ETV6: variants seen among roughly 807,000 people sequenced by gnomAD.
ETV6 encodes ETS variant transcription factor 6.
A neutral mutation model predicts 51.1 loss-of-function variants in ETV6; 16 were observed. That is an observed-to-expected ratio of 0.31 (90% CI 0.21 to 0.48). The LOEUF is 0.48. ETV6 is among the 20% of genes least tolerant of loss of function. The pLI is 0.99. For synonymous variants in ETV6, 240 were observed against 224.1 expected, an observed-to-expected ratio of 1.07 and a Z score of -0.64; for missense variants, 458 against 594.8, an observed-to-expected ratio of 0.77 and a Z score of 2.39.
chr12:11,833,135 G>A (rs997948184), intron 2 of ETV6, among the ~76,000 whole-genome samples: 2 of 152,172 alleles, frequency 1.3e-5, no homozygotes, highest in African/African-American at 4.8e-5. Flanking sequence ...CAGGTAGGGT[G>A]AGATTATAAA....
Position 11,895,139 on chromosome 12 carries a change from TTGA to T in ETV6, c.*4098_*4100del, listed in dbSNP as rs1307948025. On this transcript the variant is annotated 3_prime_UTR_variant, in exon 8 of 8. Transcript: ENST00000396373. ...TTTCACACATGCCAAGTGAACATTC[TTGA>T]TGATTTCTCTTTGTGACCGCAACCA... 1.7e-5 allele frequency: 4 copies of T among 233,224 alleles called. No homozygotes were observed. The highest frequency in any genetic ancestry group is 6.6e-5 in the African/African-American group (3 of 45,294). The allele number at this position is 233,224 out of a possible 1,614,324, so 14.4% of individuals were successfully genotyped here.
At chr12:11,658,527 C>T (rs1038928819) in intron 1 of ETV6, among the ~76,000 whole-genome samples, 24 of 152,278 alleles carry the variant, frequency 1.6e-4, no homozygotes, top group African/African-American at 5.3e-4. Context: ...GAGCCACTGT[C>T]CCCGGCCCCC....
intron 1 of ETV6, among the ~76,000 whole-genome samples, chr12:11,724,085 G>A (rs1865444180): frequency 6.6e-6 from 1 of 152,122 alleles, no homozygotes; most frequent in Non-Finnish European, 1.5e-5. Flanking sequence ...GGTCTCATTA[G>A]GGAAGCTGGT....
chr12:11,749,347 A>ACC (rs1865976244), intron 1 of ETV6, among the ~76,000 whole-genome samples: 1 of 126,214 alleles, frequency 7.9e-6, no homozygotes, highest in Non-Finnish European at 1.7e-5. Context: ...ACACACACAC[A>ACC]CACCCCTACT....
intron 3 of ETV6, among the ~76,000 whole-genome samples, chr12:11,840,286 G>C (rs1012138376): frequency 2.0e-5 from 3 of 152,192 alleles, no homozygotes; most frequent in African/African-American, 7.2e-5. Context: ...TTGCTCATGT[G>C]GATAAGGCTT....
intron 2 of ETV6, among the ~76,000 whole-genome samples, chr12:11,820,098 C>T (rs1430900885): frequency 3.3e-5 from 5 of 152,208 alleles, no homozygotes; most frequent in Admixed American, 3.3e-4. Flanking sequence ...TAATTCCTGA[C>T]GTAGGTCCTG....
chr12:11,879,889 A>G (rs1010521270), intron 5 of ETV6, among the ~76,000 whole-genome samples: 2 of 152,162 alleles, frequency 1.3e-5, no homozygotes, highest in Non-Finnish European at 2.9e-5. Flanking sequence ...CTGTGCAGGC[A>G]TGGGTTCCGA....
intron 1 of ETV6, among the ~76,000 whole-genome samples, chr12:11,651,869 T>C (rs2120594573): frequency 6.6e-6 from 1 of 152,286 alleles, no homozygotes; most frequent in Middle Eastern, 3.4e-3. Context: ...TTCTGTGACG[T>C]TTCTTGATCC....
chr12:11,824,530 G>A (rs1163022175), intron 2 of ETV6, among the ~76,000 whole-genome samples: 1 of 152,178 alleles, frequency 6.6e-6, no homozygotes, highest in Non-Finnish European at 1.5e-5. Flanking sequence ...TATAATCCCA[G>A]TACTTTGGGA....
intron 1 of ETV6, among the ~76,000 whole-genome samples, chr12:11,663,087 T>C (rs1864129627): frequency 1.3e-5 from 2 of 152,260 alleles, no homozygotes; most frequent in Admixed American, 1.3e-4. Flanking sequence ...AGGGCACAAA[T>C]GGCAGGCTTT....
At chr12:11,763,349 G>A (rs1250174160) in intron 2 of ETV6, among the ~76,000 whole-genome samples, 1 of 152,092 alleles carries the variant, frequency 6.6e-6, no homozygotes, top group African/African-American at 2.4e-5. Flanking sequence ...TATTCATCCA[G>A]GTATCTGGGG....
chr12:11,869,278 G>A lies in ETV6; in HGVS notation c.464-146G>A. The A allele has an allele frequency of 1.5e-6, 1 of 667,126 alleles. No individual in the cohort carries two copies. The highest frequency in any genetic ancestry group is 2.5e-6 in the Non-Finnish European group (1 of 397,732). The allele number at this position is 667,126 out of a possible 1,614,324, so 41.3% of individuals were successfully genotyped here. A position where few individuals can be genotyped will look rare whatever the true frequency, so the allele number is the denominator to read the frequency against. ...AAATATGCACCCTTCAAATTGTTAA[G>A]CAGTGAAAAAGACACTGCATTCTGG... On this transcript the variant is annotated intron_variant, in intron 4 of 7. Transcript: ENST00000396373. This position sits in a 1 kb window ranked among gnomAD's most constrained non-coding sequence, Gnocchi z 5.0.
chr12:11,681,562 TTTA>T (rs754940407), intron 1 of ETV6, among the ~76,000 whole-genome samples: 10 of 152,224 alleles, frequency 6.6e-5, no homozygotes, highest in African/African-American at 9.6e-5. Context: ...TCACGTTTTA[TTTA>T]TTATTATTAT....
In ETV6 at chr12:11,650,082, A is replaced by G; in HGVS notation, c.-46A>G. On this transcript the variant is annotated 5_prime_UTR_variant, in exon 1 of 8. Coordinates refer to ENST00000396373, the MANE Select transcript of ETV6 (RefSeq NM_001987.5). ...TTTCTGGGTTGGGGAGAGGAAAGGA[A>G]AGTGGAAAAAACCTGAGAACTTCCT... 6.3e-7 allele frequency: 1 copy of G among 1,595,538 alleles called. No individual in the cohort carries two copies. The highest frequency in any genetic ancestry group is 8.6e-7 in the Non-Finnish European group (1 of 1,163,280).
chr12:11,827,070 T>TCACACACACACACACACACACA (rs55959869), intron 2 of ETV6, among the ~76,000 whole-genome samples: 1 of 145,056 alleles, frequency 6.9e-6, no homozygotes, highest in Non-Finnish European at 1.5e-5. Flanking sequence ...GAAGTCTGTC[T>TCACACACACACACACACACACA]CACACACACA....
At chr12:11,755,200 A>T in intron 2 of ETV6, among the ~76,000 whole-genome samples, 1 of 152,282 alleles carries the variant, frequency 6.6e-6, no homozygotes, top group East Asian at 1.9e-4. Context: ...TGTCTGTTCT[A>T]TCTGTTGTTG....
rs1419729081 is a variant in ETV6, at chr12:11,894,804, A to C, written c.*3758A>C. 4.3e-6 allele frequency: 1 copy of C among 233,326 alleles called. No homozygotes were observed. Among genetic ancestry groups the C allele is most frequent in the Non-Finnish European group, 8.5e-6 (1 of 117,970 alleles). The allele number at this position is 233,326 out of a possible 1,614,324, so 14.5% of individuals were successfully genotyped here. A position where few individuals can be genotyped will look rare whatever the true frequency, so the allele number is the denominator to read the frequency against. The stretch of plus-strand genomic sequence containing the variant: ...GGAGCAGACAGCATGCCAAGAATGG[A>C]ATTAGGCTCAGGATCCAGCCTGGGC... On this transcript the variant is annotated 3_prime_UTR_variant, in exon 8 of 8. Coordinates refer to ENST00000396373, the MANE Select transcript of ETV6 (RefSeq NM_001987.5).
intron 1 of ETV6, among the ~76,000 whole-genome samples, chr12:11,669,703 G>A (rs1376617256): frequency 6.6e-6 from 1 of 151,932 alleles, no homozygotes; most frequent in Non-Finnish European, 1.5e-5. Flanking sequence ...AGGTATTTTG[G>A]GGAGCTACCA....
At chr12:11,773,174 CAG>C in intron 2 of ETV6, among the ~76,000 whole-genome samples, 1 of 141,522 alleles carries the variant, frequency 7.1e-6, no homozygotes, top group Middle Eastern at 3.9e-3. Context: ...AGCTTAGTGA[CAG>C]AGTGAGACTC....
Sources: gnomAD v4.1 joint callset for allele counts (sites outside exome capture counted in the v4.1 genomes callset) on GRCh38, gnomAD v4.1.1 for gene constraint, Gnocchi (gnomAD v3.1) non-coding constraint, MANE v1.5 for transcripts, NCBI Gene and HGNC (gene_info 2026-07-23, HGNC 2026-07-21) for gene names.